Variants in EXO1 observed in about 807,000 individuals in gnomAD.
EXO1 encodes the protein exonuclease 1.
EXO1 carries 69 observed loss-of-function variants against 84.5 expected under a neutral mutation model. The observed-to-expected ratio is 0.82, with a 90% CI of 0.67 to 1.00. The LOEUF is 1.00. EXO1 is among the 50% of genes least tolerant of loss of function. The pLI, the probability that EXO1 is intolerant of heterozygous loss-of-function variation, is 0.00. For synonymous variants in EXO1, 373 were observed against 366.1 expected, an observed-to-expected ratio of 1.02 and a Z score of -0.21; for missense variants, 1,045 against 1,000.7, an observed-to-expected ratio of 1.04 and a Z score of -0.60.
At position 241,882,011 on chromosome 1, in the gene EXO1, G is replaced by A; in HGVS notation, c.2205G>A (p.Arg735=). 1 of 1,471,126 alleles carries A rather than the reference G, an allele frequency of 6.8e-7. No homozygotes were observed. The highest frequency in any genetic ancestry group is 9.5e-7 in the Non-Finnish European group (1 of 1,051,802). 91.1% of individuals were successfully genotyped at this position (1,471,126 alleles called of 1,614,324 possible). A position where few individuals can be genotyped will look rare whatever the true frequency, so the allele number is the denominator to read the frequency against. ...SHFSKKDTPL[R]NKVPGLYKSS... ...TCTCAAAAAAAGACACACCTCTAAG[G>A]AACAAGGTAAAACATTTATTTAATT... Residue 735 remains arginine (R), a synonymous_variant, in exon 14 of 16, where the codon AGG becomes AGA. Transcript: ENST00000366548.
chr1:241,866,035 G>T (rs1021890703), intron 10 of EXO1, among the ~76,000 whole-genome samples: 1 of 152,012 alleles, frequency 6.6e-6, no homozygotes, highest in South Asian at 2.1e-4. Context: ...TTTCCCTTTG[G>T]CTGTCCTTCT....
intron 15 of EXO1, 50 bp from the exon 16 acceptor site, chr1:241,889,415 T>C (rs772220590): frequency 3.9e-6 from 6 of 1,541,786 alleles, no homozygotes; most frequent in Middle Eastern, 1.7e-4. Context: ...ATTTCTTCTC[T>C]AATAATCAGT....
In EXO1 at chr1:241,879,239, G is replaced by A. The variant is rs1662599123; in HGVS notation, c.2005G>A (p.Glu669Lys). 1 of 1,599,624 alleles carries A rather than the reference G, an allele frequency of 6.3e-7. No individual in the cohort carries two copies. The highest frequency in any genetic ancestry group is 8.5e-7 in the Non-Finnish European group (1 of 1,172,850). The change falls in exon 13 of 16, where the codon GAA becomes AAA. Residue 669 changes from glutamate to lysine, a missense_variant. Physicochemically the swap from Glu to Lys is moderately conservative, Grantham distance 56. Coordinates refer to ENST00000366548, the MANE Select transcript of EXO1 (RefSeq NM_130398.4). ...TGACGATGAGTCTCATCCCTTACGAGAAGAGGCATGTTCTTCACAGTCCCA... is the reference window on the plus strand; with the variant it reads ...TGACGATGAGTCTCATCCCTTACGAAAAGAGGCATGTTCTTCACAGTCCCA... ...SSDDESHPLR[E>K]EACSSQSQES... is the part of the protein sequence containing the mutation.
chr1:241,853,208 G>A (rs1660763117), intron 5 of EXO1, 150 bp from the exon 6 acceptor site: 2 of 744,660 alleles, frequency 2.7e-6, no homozygotes, highest in East Asian at 2.5e-5. Flanking sequence ...AAGCATCTGG[G>A]TTAATGTTCT....
At chr1:241,856,560 TC>T (rs2148409386) in intron 6 of EXO1, among the ~76,000 whole-genome samples, 1 of 152,248 alleles carries the variant, frequency 6.6e-6, no homozygotes, top group South Asian at 2.1e-4. Flanking sequence ...GTATATATTT[TC>T]CCCCCAAGAC....
At position 241,879,184 on chromosome 1, in the gene EXO1, T is replaced by A; in HGVS notation, c.1950T>A (p.Asp650Glu). Reference protein sequence around the residue: ...PTSLPENNMSDVSQLKSEESS... With the variant: ...PTSLPENNMSEVSQLKSEESS... ...CTTTGCCTGAGAATAATATGTCTGA[T>A]GTGTCGCAGTTAAAGAGCGAGGAGT... Residue 650 changes from aspartate to glutamate, a missense_variant, in exon 13 of 16, where the codon GAT (aspartate) becomes GAA (glutamate). Transcript: ENST00000366548. 1 of 1,605,478 alleles carries A rather than the reference T, an allele frequency of 6.2e-7. No homozygotes were observed. Among genetic ancestry groups the A allele is most frequent in the Non-Finnish European group, 8.5e-7 (1 of 1,173,042 alleles).
intron 12 of EXO1, among the ~76,000 whole-genome samples, chr1:241,878,239 C>T (rs2148506182): frequency 6.6e-6 from 1 of 152,338 alleles, no homozygotes; most frequent in East Asian, 1.9e-4. Flanking sequence ...TGGCTCACGC[C>T]TGTAATCCCA....
intron 6 of EXO1, 63 bp from the exon 7 acceptor site, chr1:241,857,282 C>G (rs1661106967): frequency 6.4e-7 from 1 of 1,553,858 alleles, no homozygotes; most frequent in Non-Finnish European, 8.9e-7. Context: ...GGGTTTGAAA[C>G]AGGAAGTTGT....
chr1:241,865,187 A>G (rs1661641297), intron 10 of EXO1, among the ~76,000 whole-genome samples: 7 of 148,032 alleles, frequency 4.7e-5, no homozygotes, highest in African/African-American at 1.7e-4. Context: ...TTATATATAT[A>G]TATATATATT....
intron 15 of EXO1, 95 bp from the exon 16 acceptor site, chr1:241,889,370 C>A: frequency 1.8e-6 from 2 of 1,111,884 alleles, no homozygotes; most frequent in African/African-American, 1.5e-5. Context: ...AGGGTCTTAT[C>A]CTCTTCATGT....
chr1:241,877,489 C>G (rs904592123), intron 12 of EXO1, among the ~76,000 whole-genome samples: 4 of 152,008 alleles, frequency 2.6e-5, no homozygotes, highest in Admixed American at 2.6e-4. Context: ...GCTTCCTGCC[C>G]CCTCCCCATA....
chr1:241,882,904 G>A (rs1662856315), intron 14 of EXO1, among the ~76,000 whole-genome samples: 1 of 152,114 alleles, frequency 6.6e-6, no homozygotes, highest in Non-Finnish European at 1.5e-5. Context: ...ATTTGAAAGA[G>A]TTCAAATAAT....
At chr1:241,881,329 G>T (rs1467845449) in intron 13 of EXO1, among the ~76,000 whole-genome samples, 1 of 152,162 alleles carries the variant, frequency 6.6e-6, no homozygotes, top group Non-Finnish European at 1.5e-5. Context: ...ACCGCCCCTG[G>T]CCTTACTGTC....
At chr1:241,884,173 G>A (rs896288969) in intron 14 of EXO1, among the ~76,000 whole-genome samples, 3 of 152,114 alleles carry the variant, frequency 2.0e-5, no homozygotes, top group Admixed American at 6.5e-5. Context: ...AGCAGTTAGA[G>A]AAAAACAACC....
At chr1:241,862,722 T>A (rs1415996748) in intron 10 of EXO1, among the ~76,000 whole-genome samples, 1 of 152,208 alleles carries the variant, frequency 6.6e-6, no homozygotes, top group Non-Finnish European at 1.5e-5. Context: ...TAGCCACAGG[T>A]CTCTTTTGTT....
At chr1:241,888,181 A>C (rs1663170822) in intron 15 of EXO1, among the ~76,000 whole-genome samples, 1 of 152,224 alleles carries the variant, frequency 6.6e-6, no homozygotes, top group Non-Finnish European at 1.5e-5. Flanking sequence ...TGGCGGTTGC[A>C]GTGAACTGAG....
chr1:241,880,684 T>C (rs2148517573), intron 13 of EXO1, among the ~76,000 whole-genome samples: 1 of 152,342 alleles, frequency 6.6e-6, no homozygotes, highest in South Asian at 2.1e-4. Context: ...ATGAAAATCA[T>C]ATAATCTTTC....
chr1:241,889,737 ATTAAC>A lies in EXO1; in HGVS notation c.*140_*144del, dbSNP rs1437022135. On this transcript the variant is annotated 3_prime_UTR_variant, in exon 16 of 16. Transcript: ENST00000366548. ...TTTAAAAATAGAATACATTTTGTATATTAACTTTATAATTGGGTTGTGGTTTTTTT... is the reference window on the plus strand; with the variant it reads ...TTTAAAAATAGAATACATTTTGTATATTTATAATTGGGTTGTGGTTTTTTT... 10 of 848,920 alleles carry A rather than the reference ATTAAC, an allele frequency of 1.2e-5. No homozygotes were observed. In the African/African-American group the frequency reaches 1.7e-4, roughly 14 times the overall value. The allele number at this position is 848,920 out of a possible 1,614,324, so 52.6% of individuals were successfully genotyped here. A position where few individuals can be genotyped will look rare whatever the true frequency, so the allele number is the denominator to read the frequency against.
rs770188783 is a variant in EXO1 at position 241,878,736 on chromosome 1, C to CT, written c.1515-6dup. 8.4e-6 allele frequency: 13 copies of CT among 1,553,608 alleles called. No individual in the cohort carries two copies. The Admixed American group carries it at 1.2e-4, about 14-fold the overall frequency. ...TCATACTTACTTATTGTTTCTATTG[C>CT]TTTTTTTATTAGGTTTTTTTGCAGT... On this transcript the variant is annotated splice_polypyrimidine_tract_variant and intron_variant, in intron 12 of 15. Transcript: ENST00000366548.
Sources: allele counts gnomAD v4.1 joint callset (sites outside exome capture counted in the v4.1 genomes callset), GRCh38; gene constraint gnomAD v4.1.1; transcripts MANE v1.5; gene names NCBI Gene and HGNC (gene_info 2026-07-23, HGNC 2026-07-21).